The following TPRG1 variants were observed in gnomAD, a reference collection of about 807,000 sequenced individuals.
TPRG1 encodes the protein tumor protein p63 regulated 1.
A neutral mutation model predicts 29.3 loss-of-function variants in TPRG1; 29 were observed. The observed-to-expected ratio is 0.99, with a 90% CI of 0.74 to 1.35. The LOEUF is 1.35. TPRG1 is among the 40% of genes most tolerant of loss of function. The pLI is 0.00. For synonymous variants in TPRG1, 130 were observed against 116.8 expected, an observed-to-expected ratio of 1.11 and a Z score of -0.73; for missense variants, 327 against 335.0, an observed-to-expected ratio of 0.98 and a Z score of 0.19.
chr3:189,238,399 C>G (rs1311022296), intron 3 of TPRG1, among the ~76,000 whole-genome samples: 1 of 152,154 alleles, frequency 6.6e-6, no homozygotes, highest in East Asian at 1.9e-4. Flanking sequence ...ATGAAGTTTT[C>G]TAGAGAACTG....
At chr3:189,220,358 T>C (rs1297797299) in intron 3 of TPRG1, among the ~76,000 whole-genome samples, 1 of 152,208 alleles carries the variant, frequency 6.6e-6, no homozygotes, top group Non-Finnish European at 1.5e-5. Flanking sequence ...TAATGACATT[T>C]ACTGAGCACT....
intron 2 of TPRG1, among the ~76,000 whole-genome samples, chr3:189,213,850 A>AG (rs1482879987): frequency 6.6e-6 from 1 of 151,946 alleles, no homozygotes; most frequent in Non-Finnish European, 1.5e-5. Flanking sequence ...TATTAACACA[A>AG]TTTTCTTCAC....
At chr3:189,178,398 G>T (rs534445706) in intron 1 of TPRG1, among the ~76,000 whole-genome samples, 1 of 152,270 alleles carries the variant, frequency 6.6e-6, no homozygotes, top group South Asian at 2.1e-4. Flanking sequence ...GCATGGTGAT[G>T]CGCATCTGTA....
intron 3 of TPRG1, among the ~76,000 whole-genome samples, chr3:189,147,147 C>G (rs991140123): frequency 6.6e-6 from 1 of 152,188 alleles, no homozygotes; most frequent in South Asian, 2.1e-4. Context: ...AACCACTACA[C>G]TATCTACAGA....
intron 1 of TPRG1, among the ~76,000 whole-genome samples, chr3:189,191,838 A>G (rs1420444065): frequency 1.3e-5 from 2 of 152,072 alleles, no homozygotes; most frequent in African/African-American, 2.4e-5. Context: ...TAGTTCCTTT[A>G]TACCTAGATC....
At position 189,324,907 on chromosome 3, in the gene TPRG1, G is replaced by A. The variant is rs1724598712; in HGVS notation, c.*4087G>A. On this transcript the variant is annotated 3_prime_UTR_variant, in exon 6 of 6. Transcript: ENST00000345063. ...CCACATCCTGTAGCTGTGGTTTAGG[G>A]ACGCTGCTCATGAGTGACTTCTTAT... The A allele has an allele frequency of 6.6e-6, 1 of 152,150 alleles. No individual in the cohort carries two copies. The highest frequency in any genetic ancestry group is 6.6e-5 in the Admixed American group (1 of 15,262). The allele number at this position is 152,150 out of a possible 1,614,324, so 9.4% of individuals were successfully genotyped here.
intron 1 of TPRG1, among the ~76,000 whole-genome samples, chr3:189,204,898 C>T (rs1289042587): frequency 7.6e-6 from 1 of 131,818 alleles, no homozygotes; most frequent in Non-Finnish European, 1.8e-5. Context: ...AGTGCCTCCT[C>T]TGTCTGTCTT....
At chr3:189,114,386 G>A (rs998846985) in intron 1 of TPRG1, among the ~76,000 whole-genome samples, 1 of 152,052 alleles carries the variant, frequency 6.6e-6, no homozygotes, top group Non-Finnish European at 1.5e-5. Flanking sequence ...GGGTTCAAGC[G>A]ATTCTCCTGC....
chr3:189,272,682 C>CCTTT (rs58830987), intron 4 of TPRG1, among the ~76,000 whole-genome samples: 2,661 of 139,860 alleles, frequency 0.019, 44 homozygotes, highest in African/African-American at 0.032. Context: ...TCCTTTCTTT[C>CCTTT]CTTTCTTTCT....
intron 4 of TPRG1, among the ~76,000 whole-genome samples, chr3:189,250,698 G>C (rs1031803986): frequency 6.8e-6 from 1 of 147,276 alleles, no homozygotes; most frequent in Admixed American, 6.8e-5. Context: ...ATAATGGCAA[G>C]CTGACTCCAA....
At chr3:189,289,583 C>T (rs1220863989) in intron 4 of TPRG1, among the ~76,000 whole-genome samples, 1 of 152,080 alleles carries the variant, frequency 6.6e-6, no homozygotes, top group African/African-American at 2.4e-5. Context: ...GGTTTCTTCA[C>T]CTGTAAAATG....
At chr3:189,294,317 A>T (rs1445700699) in intron 4 of TPRG1, among the ~76,000 whole-genome samples, 1 of 152,220 alleles carries the variant, frequency 6.6e-6, no homozygotes, top group Non-Finnish European at 1.5e-5. Flanking sequence ...AGGAAAAGCC[A>T]GTTCTTTCTT....
intron 1 of TPRG1, among the ~76,000 whole-genome samples, chr3:189,182,572 C>A (rs1403095560): frequency 6.6e-6 from 1 of 152,024 alleles, no homozygotes; most frequent in Non-Finnish European, 1.5e-5. Context: ...GCCATGTATA[C>A]CAAGATTCAT....
chr3:189,251,462 T>C (rs1228325817), intron 4 of TPRG1, among the ~76,000 whole-genome samples: 2 of 152,048 alleles, frequency 1.3e-5, no homozygotes, highest in Non-Finnish European at 2.9e-5. Flanking sequence ...AGACAAAGTA[T>C]AGAGAAAGAA....
chr3:189,132,914 G>C (rs1002858931), intron 3 of TPRG1, among the ~76,000 whole-genome samples: 2 of 152,174 alleles, frequency 1.3e-5, no homozygotes, highest in African/African-American at 4.8e-5. Flanking sequence ...GCTAAGTTCT[G>C]TGGGGGATGG....
At chr3:189,255,919 G>T (rs1027784268) in intron 4 of TPRG1, among the ~76,000 whole-genome samples, 8 of 151,642 alleles carry the variant, frequency 5.3e-5, no homozygotes, top group Admixed American at 2.6e-4. Context: ...TTATTAGTCT[G>T]GCTAGTGGTC....
At chr3:189,115,844 G>C (rs1028187591) in intron 1 of TPRG1, among the ~76,000 whole-genome samples, 20 of 152,010 alleles carry the variant, frequency 1.3e-4, no homozygotes, top group Non-Finnish European at 1.6e-4. Flanking sequence ...GAGACTTCTT[G>C]GGCAGGTTAC....
At chr3:189,108,619 T>C (rs1452765210) in intron 1 of TPRG1, among the ~76,000 whole-genome samples, 2 of 152,078 alleles carry the variant, frequency 1.3e-5, no homozygotes, top group Non-Finnish European at 2.9e-5. Flanking sequence ...TGCATTCTTT[T>C]TCACTTAGTT....
At chr3:189,296,450 A>G (rs932448872) in intron 4 of TPRG1, among the ~76,000 whole-genome samples, 1 of 152,206 alleles carries the variant, frequency 6.6e-6, no homozygotes, top group Non-Finnish European at 1.5e-5. Flanking sequence ...ACAATTATAT[A>G]AGGATATATA....
Sources: allele counts gnomAD v4.1 joint callset (sites outside exome capture counted in the v4.1 genomes callset), GRCh38; gene constraint gnomAD v4.1.1; transcripts MANE v1.5; gene names NCBI Gene and HGNC (gene_info 2026-07-23, HGNC 2026-07-21).